The following LRRC9 variants were observed in gnomAD, a reference collection of about 807,000 sequenced individuals.
LRRC9 encodes the protein leucine rich repeat containing 9.
In LRRC9, 122 loss-of-function variants were observed where a neutral mutation model predicts 63.2. The observed-to-expected ratio is 1.93, with a 90% CI of 1.67 to 2.24. The LOEUF is 2.24. LRRC9 is among the 30% of genes most tolerant of loss of function. LRRC9 has a pLI of 0.00. For synonymous variants in LRRC9, 366 were observed against 213.1 expected (o/e 1.72, Z -6.25); for missense variants, 1,071 against 627.7 (o/e 1.71, Z -7.55).
intron 27 of LRRC9, among the ~76,000 whole-genome samples, chr14:60,023,375 T>C (rs1468707934): frequency 1.3e-5 from 2 of 152,044 alleles, no homozygotes; most frequent in Middle Eastern, 3.4e-3. Context: ...TCGGCATGTA[T>C]AGAACTCTTT....
chr14:59,932,126 A>T lies in LRRC9; in HGVS notation c.543+87A>T, dbSNP rs1889761036. On this transcript the variant is annotated intron_variant, in intron 6 of 31. Coordinates refer to ENST00000445360, the Ensembl canonical transcript of LRRC9. This position sits in a 1 kb window ranked among gnomAD's most constrained non-coding sequence, Gnocchi z 4.7. ...CAGAAACTGTACTAAAAAGTCCCCCATTAAGGAATAAGTTCATTATTTTGG... is the reference window on the plus strand; with the variant it reads ...CAGAAACTGTACTAAAAAGTCCCCCTTTAAGGAATAAGTTCATTATTTTGG... 1 of 625,496 alleles carries T rather than the reference A, an allele frequency of 1.6e-6. No homozygotes were observed. The highest frequency in any genetic ancestry group is 2.8e-6 in the Non-Finnish European group (1 of 353,198). The allele number at this position is 625,496 out of a possible 1,614,324, so 38.7% of individuals were successfully genotyped here.
intron 12 of LRRC9, among the ~76,000 whole-genome samples, chr14:59,968,067 C>A (rs763659342): frequency 4.6e-5 from 7 of 152,104 alleles, no homozygotes; most frequent in Non-Finnish European, 1.0e-4. Flanking sequence ...GTGGAATATA[C>A]ATACAATGGA....
At chr14:60,016,481 T>C (rs1033660620) in intron 23 of LRRC9, among the ~76,000 whole-genome samples, 179 bp from the exon 24 acceptor site, 4 of 152,122 alleles carry the variant, frequency 2.6e-5, no homozygotes, top group Admixed American at 2.0e-4. Context: ...GCTGGGATTA[T>C]AGGCATTAGC....
intron 9 of LRRC9, among the ~76,000 whole-genome samples, 183 bp from the exon 10 acceptor site, chr14:59,960,731 A>G (rs755274251): frequency 4.6e-5 from 7 of 152,248 alleles, no homozygotes; most frequent in Non-Finnish European, 8.8e-5. Context: ...GCAAAATTAA[A>G]GGTGATTTTA....
rs960912335 is a variant in LRRC9, at chr14:59,958,558, G to T, written c.883-1260G>T. ...CAAGCTAGTGGTTCTTAGCTTGCTG[G>T]GCTCTGTGGGAGTGGGACCCGCTGA... is the stretch of plus-strand genomic sequence containing the variant. On this transcript the variant is annotated intron_variant, in intron 8 of 31. Transcript: ENST00000445360. This position sits in a 1 kb window ranked among gnomAD's most constrained non-coding sequence, Gnocchi z 4.0. Among the ~76,000 whole-genome samples, 1 of 152,202 alleles carries T rather than the reference G, an allele frequency of 6.6e-6. No homozygotes were observed. Among genetic ancestry groups the T allele is most frequent in the African/African-American group, 2.4e-5 (1 of 41,450 alleles).
rs55846144 is a variant in LRRC9 at position 60,033,831 on chromosome 14, T to A, written c.3990+1768T>A. On this transcript the variant is annotated intron_variant, in intron 29 of 31. Coordinates refer to ENST00000445360, the Ensembl canonical transcript of LRRC9. ...GAGTTTTGATACTCAATGTCTCATA[T>A]TCTTCTGGAAGGATAATTAAACCTT... is the stretch of plus-strand genomic sequence containing the variant. 2.5e-3 allele frequency among the ~76,000 whole-genome samples: 382 copies of A among 152,158 alleles called. 2 individuals carry two copies. Among genetic ancestry groups the A allele is most frequent in the Non-Finnish European group, 4.5e-3 (309 of 67,976 alleles).
intron 28 of LRRC9, among the ~76,000 whole-genome samples, chr14:60,029,171 C>T (rs1566890315): frequency 6.6e-6 from 1 of 152,074 alleles, no homozygotes; most frequent in African/African-American, 2.4e-5. Context: ...TTTCCAGTGA[C>T]AGCAACTGAA....
At chr14:60,038,649 G>A (rs972895769) in intron 29 of LRRC9, among the ~76,000 whole-genome samples, 1 of 152,182 alleles carries the variant, frequency 6.6e-6, no homozygotes, top group Admixed American at 6.5e-5. Flanking sequence ...TTGCTTATCA[G>A]CTTACGGAGA....
chr14:60,006,467 T>C (rs1257638994), exon 22 of LRRC9: 5 of 701,916 alleles, frequency 7.1e-6, no homozygotes, highest in African/African-American at 3.5e-5. Context: ...GGGAAGAGCA[T>C]ACCTTTGATA....
intron 1 of LRRC9, among the ~76,000 whole-genome samples, chr14:59,921,717 A>AC (rs1174886636): frequency 8.3e-6 from 1 of 121,182 alleles, no homozygotes; most frequent in Non-Finnish European, 1.7e-5. Context: ...GGGCAGTTGG[A>AC]TTTTTTTTTT....
At chr14:59,925,560 C>T (rs1889142809) in intron 1 of LRRC9, among the ~76,000 whole-genome samples, 1 of 152,192 alleles carries the variant, frequency 6.6e-6, no homozygotes, top group Admixed American at 6.5e-5. Context: ...ATATTGGCAA[C>T]ACCTGAAGTT....
At chr14:60,000,138 C>G (rs918843939) in intron 19 of LRRC9, among the ~76,000 whole-genome samples, 1 of 152,038 alleles carries the variant, frequency 6.6e-6, no homozygotes, top group Non-Finnish European at 1.5e-5. Context: ...TCATGTACTT[C>G]ACAGCAACAT....
At chr14:59,949,572 G>A (rs1882874401) in intron 8 of LRRC9, among the ~76,000 whole-genome samples, 1 of 135,258 alleles carries the variant, frequency 7.4e-6, no homozygotes, top group Non-Finnish European at 1.7e-5. Flanking sequence ...GTTTGCTCTT[G>A]CTTTTAATTG....
intron 21 of LRRC9, among the ~76,000 whole-genome samples, chr14:60,005,781 G>A (rs1248385117): frequency 6.6e-6 from 1 of 152,054 alleles, no homozygotes; most frequent in Non-Finnish European, 1.5e-5. Flanking sequence ...AAACCTAGTA[G>A]TGATATATTT....
chr14:60,034,208 A>AG (rs1892240917), intron 29 of LRRC9, among the ~76,000 whole-genome samples: 1 of 150,990 alleles, frequency 6.6e-6, no homozygotes, highest in East Asian at 1.9e-4. Flanking sequence ...TAGTAGAGAC[A>AG]GAGTTTCACC....
chr14:59,974,579 C>A, exon 13 of LRRC9: 1 of 643,638 alleles, frequency 1.6e-6, no homozygotes, highest in Non-Finnish European at 2.8e-6. Context: ...TTTGCAGCTG[C>A]CTCTCAAAAA....
chr14:59,953,365 A>T (rs776079378), intron 8 of LRRC9, among the ~76,000 whole-genome samples: 2 of 152,170 alleles, frequency 1.3e-5, no homozygotes, highest in East Asian at 1.9e-4. Flanking sequence ...CAGGTATGAG[A>T]TGGTATCTCA....
At chr14:59,935,166 G>A (rs576916414) in intron 6 of LRRC9, among the ~76,000 whole-genome samples, 6 of 150,218 alleles carry the variant, frequency 4.0e-5, no homozygotes, top group Non-Finnish European at 7.4e-5. Flanking sequence ...GGTGGTGGGC[G>A]CCTGTAATCC....
intron 12 of LRRC9, among the ~76,000 whole-genome samples, chr14:59,972,213 A>G (rs1885590504): frequency 6.6e-6 from 1 of 152,070 alleles, no homozygotes. Flanking sequence ...TTAAGTCCCA[A>G]CTCAAGGGTT....
Sources: gnomAD v4.1 joint callset for allele counts (sites outside exome capture counted in the v4.1 genomes callset) on GRCh38, gnomAD v4.1.1 for gene constraint, Gnocchi (gnomAD v3.1) non-coding constraint, MANE v1.5 for transcripts, NCBI Gene and HGNC (gene_info 2026-07-23, HGNC 2026-07-21) for gene names.